The following UBA6 variants were observed in gnomAD, a reference collection of about 807,000 sequenced individuals.
The protein encoded by UBA6 is ubiquitin-like modifier-activating enzyme 6.
A neutral mutation model predicts 148.3 loss-of-function variants in UBA6; 87 were observed. The ratio of observed to expected loss-of-function variants is 0.59; its 90% CI spans 0.49 to 0.70. The LOEUF (loss-of-function observed/expected upper bound fraction) is 0.70, where lower values mean the gene tolerates loss of function less well. Among genes scored for constraint, UBA6 ranks in the 30% least tolerant of loss-of-function variants. The pLI is 0.00. For synonymous variants in UBA6, 376 were observed against 401.0 expected, an observed-to-expected ratio of 0.94 and a Z score of 0.75; for missense variants, 1,186 against 1,241.2, an observed-to-expected ratio of 0.96 and a Z score of 0.67.
At chr4:67,668,443 G>C (rs1323871541) in intron 9 of UBA6, 108 bp downstream of exon 9, 2 of 1,035,746 alleles carry the variant, frequency 1.9e-6, no homozygotes, top group East Asian at 4.9e-5. Flanking sequence ...GAGGCCAAGG[G>C]CTTTGGATCA....
intron 2 of UBA6, among the ~76,000 whole-genome samples, chr4:67,685,079 TGAGA>T (rs1390691881): frequency 1.3e-5 from 2 of 152,224 alleles, no homozygotes; most frequent in African/African-American, 2.4e-5. Context: ...TCAAGGTTTA[TGAGA>T]GAGAGAAAAA....
Position 67,641,202 on chromosome 4 carries a change from T to C in UBA6, c.1503A>G (p.Ile501Met). 7 of 1,598,306 alleles carry C rather than the reference T, an allele frequency of 4.4e-6. No homozygotes were observed. The highest frequency in any genetic ancestry group is 6.0e-6 in the Non-Finnish European group (7 of 1,171,788). ...ACTGTCTATTTAAGTTGGATTTCTC[T>C]ATCAAGTCAGGATCTGTAACTGTAA... Reference protein sequence around the residue: ...GMITVTDPDLIEKSNLNRQFL... With the variant: ...GMITVTDPDLMEKSNLNRQFL... Residue 501 changes from isoleucine (I) to methionine (M), a missense_variant, in exon 18 of 33, where the codon ATA (isoleucine) becomes ATG (methionine). Transcript: ENST00000322244.
At chr4:67,683,326 T>C (rs1223752193) in intron 2 of UBA6, among the ~76,000 whole-genome samples, 1 of 152,202 alleles carries the variant, frequency 6.6e-6, no homozygotes, top group Non-Finnish European at 1.5e-5. Context: ...TTTTATCTTG[T>C]TTCTTTTGAA....
chr4:67,672,991 T>A (rs1730186297), intron 7 of UBA6, among the ~76,000 whole-genome samples: 1 of 152,202 alleles, frequency 6.6e-6, no homozygotes, highest in African/African-American at 2.4e-5. Context: ...GTATTTATTT[T>A]CTTGTTTACT....
chr4:67,662,126 AT>A (rs751022496), intron 13 of UBA6, 62 bp downstream of exon 13: 1 of 1,482,396 alleles, frequency 6.7e-7, no homozygotes. Context: ...GAGAATACTA[AT>A]ATACAGAACA....
chr4:67,635,665 T>C (rs1313924296), intron 19 of UBA6, 107 bp from the exon 20 acceptor site: 4 of 644,214 alleles, frequency 6.2e-6, no homozygotes, highest in South Asian at 1.8e-5. Flanking sequence ...GATCACTTCT[T>C]GAATGCAGTA....
chr4:67,660,464 T>C (rs1729820511), intron 13 of UBA6, among the ~76,000 whole-genome samples: 1 of 152,202 alleles, frequency 6.6e-6, no homozygotes, highest in Non-Finnish European at 1.5e-5. Context: ...CTCAGGCTGT[T>C]GCTTCAGAGG....
At chr4:67,644,564 T>C (rs922170370) in intron 17 of UBA6, 134 bp downstream of exon 17, 30 of 595,870 alleles carry the variant, frequency 5.0e-5, no homozygotes, top group Non-Finnish European at 8.6e-5. Context: ...CAGAAGGGCA[T>C]GACAATCTTC....
At chr4:67,629,317 AG>A (rs1315824580) in intron 26 of UBA6, among the ~76,000 whole-genome samples, 175 bp from the exon 27 acceptor site, 3 of 151,806 alleles carry the variant, frequency 2.0e-5, no homozygotes, top group Admixed American at 6.6e-5. Flanking sequence ...CCCCCCATAA[AG>A]GTTATGGGGG....
rs1349024993 is a variant in UBA6 at position 67,644,739 on chromosome 4, A to C, written c.1435T>G (p.Phe479Val). 1 of 1,612,028 alleles carries C rather than the reference A, an allele frequency of 6.2e-7. No individual in the cohort carries two copies. The highest frequency in any genetic ancestry group is 1.3e-5 in the African/African-American group (1 of 74,988). The change falls in exon 17 of 33, where the codon TTT (phenylalanine) becomes GTT (valine). Residue 479 changes from phenylalanine (F) to valine (V), a missense_variant. Transcript: ENST00000322244. ...CTTGTGCCAACACCAAGTAAAGCAA[A>C]ATTTTTCAACATTTCACAGCCTATG... Reference protein sequence around the residue: ...GAIGCEMLKNFALLGVGTSKE... With the variant: ...GAIGCEMLKNVALLGVGTSKE...
intron 13 of UBA6, among the ~76,000 whole-genome samples, chr4:67,655,389 T>C (rs1443182289): frequency 2.0e-5 from 3 of 152,142 alleles, no homozygotes; most frequent in Non-Finnish European, 4.4e-5. Flanking sequence ...AGAAACTCAC[T>C]CAAAACCGCA....
At position 67,663,198 on chromosome 4, in the gene UBA6, G is replaced by A. The variant is rs186834257; in HGVS notation, c.978C>T (p.His326=). 1 of 1,611,236 alleles carries A rather than the reference G, an allele frequency of 6.2e-7. No individual in the cohort carries two copies. The highest frequency in any genetic ancestry group is 2.2e-5 in the East Asian group (1 of 44,740). The change falls in exon 12 of 33, where the codon CAC becomes CAT. Residue 326 remains histidine, a synonymous_variant. Coordinates refer to ENST00000322244, the MANE Select transcript of UBA6 (RefSeq NM_018227.6). ...FSNPEAPLEI[H]TAMLALDQFQ... ...ACTGGTCCAAGGCAAGCATAGCTGT[G>A]TGAATCTCTAAAGGTGCCTATTGAG...
intron 28 of UBA6, among the ~76,000 whole-genome samples, chr4:67,625,407 A>C (rs980422355): frequency 2.6e-5 from 4 of 151,760 alleles, no homozygotes; most frequent in Admixed American, 2.0e-4. Context: ...AAAAAAAAAA[A>C]AACGATGGTT....
rs550921034 is a variant in UBA6, at chr4:67,686,386, T to C, written c.135-4173A>G. ...CCCCTCAACATTAATCACTTTCTTC[T>C]GGACACACTTCATTATCTTCATCAT... On this transcript the variant is annotated intron_variant, in intron 2 of 32. Transcript: ENST00000322244. Among the ~76,000 whole-genome samples, 3 of 152,284 alleles carry C rather than the reference T, an allele frequency of 2.0e-5. No homozygotes were observed. In the South Asian group the frequency reaches 6.2e-4, roughly 32 times the overall value.
intron 7 of UBA6, among the ~76,000 whole-genome samples, chr4:67,670,826 T>C (rs1240221295): frequency 2.1e-5 from 3 of 143,220 alleles, no homozygotes; most frequent in African/African-American, 7.6e-5. Flanking sequence ...TATCAGCATA[T>C]CATCTTTATA....
intron 29 of UBA6, among the ~76,000 whole-genome samples, chr4:67,624,654 G>A (rs955275703): frequency 2.6e-5 from 4 of 151,930 alleles, no homozygotes; most frequent in Admixed American, 2.6e-4. Context: ...TAAAGATTCT[G>A]AATCATTATG....
chr4:67,645,027 A>G (rs912158521), intron 16 of UBA6, among the ~76,000 whole-genome samples: 1 of 151,888 alleles, frequency 6.6e-6, no homozygotes, highest in African/African-American at 2.4e-5. Flanking sequence ...TACAACATTT[A>G]AAAAAAAGAT....
At chr4:67,655,920 A>G (rs898150284) in intron 13 of UBA6, among the ~76,000 whole-genome samples, 1 of 152,368 alleles carries the variant, frequency 6.6e-6, no homozygotes, top group African/African-American at 2.4e-5. Context: ...CCTCTATGCA[A>G]ATAAACTAGA....
chr4:67,662,813 C>T (rs1438241017), intron 12 of UBA6: 1 of 198,314 alleles, frequency 5.0e-6, no homozygotes, highest in Non-Finnish European at 1.0e-5. Context: ...CAACAGTACT[C>T]TGACTTAACA....
Sources: gnomAD v4.1 joint callset for allele counts (sites outside exome capture counted in the v4.1 genomes callset) on GRCh38, gnomAD v4.1.1 for gene constraint, MANE v1.5 for transcripts, NCBI Gene and HGNC (gene_info 2026-07-23, HGNC 2026-07-21) for gene names.